Variants in MAST4 observed in about 807,000 individuals in gnomAD.
The protein encoded by MAST4 is microtubule associated serine/threonine kinase family member 4.
Under a neutral mutation model 162.7 loss-of-function variants are expected in MAST4, and 89 were observed. That is an observed-to-expected ratio of 0.55 (90% confidence interval 0.46 to 0.65). The LOEUF (loss-of-function observed/expected upper bound fraction) is 0.65, where lower values mean the gene tolerates loss of function less well. Among genes scored for constraint, MAST4 ranks in the 30% least tolerant of loss-of-function variants. MAST4 has a pLI of 0.00. For missense variants in MAST4, 3,153 were observed against 3,374.0 expected (o/e 0.93, Z 1.62); for synonymous variants, 1,479 against 1,361.1 (o/e 1.09, Z -1.91).
chr5:67,045,120 T>C (rs1056118365), intron 4 of MAST4, among the ~76,000 whole-genome samples: 1 of 152,256 alleles, frequency 6.6e-6, no homozygotes, highest in African/African-American at 2.4e-5. Context: ...AGGGACCACA[T>C]TTAGCCAGTC....
At chr5:67,047,769 C>G (rs1757556602) in intron 4 of MAST4, among the ~76,000 whole-genome samples, 1 of 152,064 alleles carries the variant, frequency 6.6e-6, no homozygotes, top group Non-Finnish European at 1.5e-5. Context: ...GAAGAGGATC[C>G]CAGCGAGTTT....
intron 5 of MAST4, among the ~76,000 whole-genome samples, chr5:67,072,562 A>G (rs1056979900): frequency 6.6e-6 from 1 of 152,236 alleles, no homozygotes. Context: ...AACAAAATAT[A>G]TAATTCAAAG....
chr5:66,644,747 GTTT>G (rs10638374), intron 1 of MAST4, among the ~76,000 whole-genome samples: 1 of 137,764 alleles, frequency 7.3e-6, no homozygotes. Flanking sequence ...ATTTGAAGTA[GTTT>G]TTTTTTTTTT....
At chr5:67,070,568 T>TTGATA (rs1291310832) in intron 5 of MAST4, among the ~76,000 whole-genome samples, 1 of 152,234 alleles carries the variant, frequency 6.6e-6, no homozygotes, top group Non-Finnish European at 1.5e-5. Context: ...GAGTTTATGT[T>TTGATA]TGATAGCTAA....
At chr5:66,907,598 G>A (rs867587876) in intron 4 of MAST4, among the ~76,000 whole-genome samples, 43,544 of 136,864 alleles carry the variant, frequency 0.32, 7,103 homozygotes, top group Non-Finnish European at 0.39. Flanking sequence ...GTGTGTGTGT[G>A]TGTGTGTGTG....
chr5:67,052,973 T>C (rs1758367260), intron 4 of MAST4, among the ~76,000 whole-genome samples: 1 of 152,186 alleles, frequency 6.6e-6, no homozygotes, highest in African/African-American at 2.4e-5. Context: ...GATTTAATGA[T>C]TGTGAATTTA....
intron 1 of MAST4, among the ~76,000 whole-genome samples, chr5:66,638,156 G>A (rs992774662): frequency 1.5e-4 from 23 of 152,276 alleles, no homozygotes; most frequent in African/African-American, 5.5e-4. Flanking sequence ...ACTTGTGGCA[G>A]CTCCTACTCA....
chr5:66,596,770 G>A lies in MAST4; in HGVS notation c.115G>A (p.Ala39Thr), dbSNP rs1178304387. 1 of 1,388,570 alleles carries A rather than the reference G, an allele frequency of 7.2e-7. No homozygotes were observed. 86.0% of individuals were successfully genotyped at this position (1,388,570 alleles called of 1,614,324 possible). ...VAASSPGASS[A>T]ESSSGSETLS... ...CGCGTCCTCTCCGGGTGCTTCCTCG[G>A]CCGAGTCCTCCTCGGGCTCAGAAAC... is the stretch of plus-strand genomic sequence containing the variant. Residue 39 changes from alanine (A) to threonine (T), a missense_variant, in exon 1 of 29, where the codon GCC becomes ACC. Around this residue, in one of 7 missense-constraint regions of MAST4, gnomAD observed 327 missense variants for 336.5 expected, o/e 0.97. Transcript: ENST00000403625.
At chr5:66,969,800 T>C (rs7709285) in intron 4 of MAST4, among the ~76,000 whole-genome samples, 7,359 of 152,248 alleles carry the variant, frequency 0.048, 576 homozygotes, top group African/African-American at 0.17. Flanking sequence ...CACTAAACCC[T>C]TTTAGTTTCT....
chr5:67,064,401 T>G (rs1218312628), intron 5 of MAST4, among the ~76,000 whole-genome samples: 1 of 152,124 alleles, frequency 6.6e-6, no homozygotes, highest in Non-Finnish European at 1.5e-5. Flanking sequence ...TAAATAATTG[T>G]TTATAGATAA....
At chr5:66,629,957 G>A (rs1432697793) in intron 1 of MAST4, among the ~76,000 whole-genome samples, 1 of 152,052 alleles carries the variant, frequency 6.6e-6, no homozygotes, top group Non-Finnish European at 1.5e-5. Flanking sequence ...TGGAGTGGTG[G>A]GCTTTTTCAG....
intron 3 of MAST4, among the ~76,000 whole-genome samples, chr5:66,839,206 T>G (rs751311011): frequency 6.6e-6 from 1 of 152,118 alleles, no homozygotes; most frequent in Non-Finnish European, 1.5e-5. Context: ...GAGCAAGAGA[T>G]AAATGTGACT....
At chr5:66,774,357 A>G (rs934266129) in intron 2 of MAST4, among the ~76,000 whole-genome samples, 2 of 152,216 alleles carry the variant, frequency 1.3e-5, no homozygotes, top group African/African-American at 4.8e-5. Flanking sequence ...GTATACGTAA[A>G]TAACAGTAAA....
chr5:67,110,108 G>A lies in MAST4; in HGVS notation c.1367G>A (p.Arg456His), dbSNP rs767435013. 4.3e-6 allele frequency: 7 copies of A among 1,612,174 alleles called. No homozygotes were observed. The highest frequency in any genetic ancestry group is 1.3e-5 in the African/African-American group (1 of 74,852). ...ATTGCTTTTTCATAGGCTCATGATC[G>A]TTCAGAAAGTGGAGAATTGGCATTT... ...LDKLLQEAHD[R>H]SESGELAFIK... is the part of the protein sequence containing the mutation. Residue 456 changes from arginine (R) to histidine (H), a missense_variant, in exon 11 of 29, where the codon CGT (arginine) becomes CAT (histidine). Physicochemically the swap from Arg to His is conservative, Grantham distance 29. Around this residue, in one of 7 missense-constraint regions of MAST4, gnomAD observed 360 missense variants for 450.0 expected, o/e 0.80. Transcript: ENST00000403625.
At chr5:67,137,063 T>C (rs1470538397) in intron 19 of MAST4, among the ~76,000 whole-genome samples, 1 of 152,214 alleles carries the variant, frequency 6.6e-6, no homozygotes, top group Non-Finnish European at 1.5e-5. Flanking sequence ...TCTTTAAATA[T>C]ACATCCCCAT....
chr5:66,927,528 T>C (rs1027939258), intron 4 of MAST4, among the ~76,000 whole-genome samples: 1 of 152,174 alleles, frequency 6.6e-6, no homozygotes. Context: ...CAACCAGGAA[T>C]ATGCCTGGAA....
intron 5 of MAST4, among the ~76,000 whole-genome samples, chr5:67,064,590 A>G (rs528264364): frequency 6.6e-6 from 1 of 152,288 alleles, no homozygotes; most frequent in Non-Finnish European, 1.5e-5. Flanking sequence ...CAAATCTTTC[A>G]TTTGCCTTGT....
chr5:67,152,392 T>G (rs1295415614), intron 24 of MAST4, among the ~76,000 whole-genome samples: 1 of 152,268 alleles, frequency 6.6e-6, no homozygotes, highest in Non-Finnish European at 1.5e-5. Flanking sequence ...TGAAATTTCT[T>G]TCTCTTTCCT....
chr5:66,655,517 A>G (rs1184798860), intron 1 of MAST4, among the ~76,000 whole-genome samples: 1 of 152,186 alleles, frequency 6.6e-6, no homozygotes, highest in African/African-American at 2.4e-5. Flanking sequence ...AATGATCTCA[A>G]TGCAATGCAA....
Sources: gnomAD v4.1 joint callset for allele counts (sites outside exome capture counted in the v4.1 genomes callset) on GRCh38, gnomAD v4.1.1 for gene constraint, gnomAD v4.1.1 regional missense constraint, MANE v1.5 for transcripts, NCBI Gene and HGNC (gene_info 2026-07-23, HGNC 2026-07-21) for gene names.